Variants in RASGRF2 observed in about 807,000 individuals in gnomAD.
The protein encoded by RASGRF2 is Ras protein specific guanine nucleotide releasing factor 2.
Under a neutral mutation model 151.0 loss-of-function variants are expected in RASGRF2, and 76 were observed. The ratio of observed to expected loss-of-function variants is 0.50; its 90% CI spans 0.42 to 0.61. The LOEUF is 0.61. Ranked by LOEUF, RASGRF2 falls within the 20% of genes least tolerant of loss-of-function variation. RASGRF2 has a pLI of 0.00. For missense variants in RASGRF2, 1,148 were observed against 1,564.6 expected (o/e 0.73, Z 4.49); for synonymous variants, 504 against 566.5 (o/e 0.89, Z 1.57).
intron 18 of RASGRF2, among the ~76,000 whole-genome samples, chr5:81,194,581 G>A (rs748190738): frequency 3.3e-5 from 5 of 152,002 alleles, no homozygotes; most frequent in Non-Finnish European, 7.4e-5. Context: ...TGGCATCATC[G>A]GTGGACAGTG....
chr5:81,023,326 G>A (rs922612245), intron 1 of RASGRF2, among the ~76,000 whole-genome samples: 6 of 152,204 alleles, frequency 3.9e-5, no homozygotes, highest in Non-Finnish European at 8.8e-5. Context: ...CTTTCACTTT[G>A]TGATGACCCA....
At position 81,094,839 on chromosome 5, in the gene RASGRF2, C is replaced by T. The variant is rs1752499160; in HGVS notation, c.1619-17C>T. On this transcript the variant is annotated splice_polypyrimidine_tract_variant and intron_variant, in intron 11 of 26. Coordinates refer to ENST00000265080, the MANE Select transcript of RASGRF2 (RefSeq NM_006909.3). The stretch of plus-strand genomic sequence containing the variant: ...TTTTGTATTCTCATCTAATTGTTTG[C>T]TTTACATGTGTTCAAGCTAAAGGTT... 1.3e-6 allele frequency: 2 copies of T among 1,580,472 alleles called. No individual in the cohort carries two copies. The highest frequency in any genetic ancestry group is 1.7e-4 in the Middle Eastern group (1 of 6,002).
intron 6 of RASGRF2, 81 bp from the exon 7 acceptor site, chr5:81,080,515 C>T (rs1752056534): frequency 1.4e-6 from 2 of 1,383,698 alleles, no homozygotes; most frequent in Non-Finnish European, 2.0e-6. Context: ...GGTGCTGGGA[C>T]CCACTCTTTG....
chr5:80,969,673 G>T (rs13358275), intron 1 of RASGRF2, among the ~76,000 whole-genome samples: 2 of 150,780 alleles, frequency 1.3e-5, no homozygotes, highest in East Asian at 2.0e-4. Context: ...GGATGATCTC[G>T]ATCTCCTGAC....
Position 81,079,036 on chromosome 5 carries a change from C to A in RASGRF2, c.888-1085C>A, listed in dbSNP as rs372543952. On this transcript the variant is annotated intron_variant, in intron 5 of 26. Coordinates refer to ENST00000265080, the MANE Select transcript of RASGRF2 (RefSeq NM_006909.3). ...ACATTGCCCCAAAGCACTCACATCGCCATGACTGACTTTCAGCCATAGGAA... is the reference window on the plus strand; with the variant it reads ...ACATTGCCCCAAAGCACTCACATCGACATGACTGACTTTCAGCCATAGGAA... Among the ~76,000 whole-genome samples, 76 of 152,330 alleles carry A rather than the reference C, an allele frequency of 5.0e-4. 1 individual carries two copies. Among genetic ancestry groups the A allele is most frequent in the African/African-American group, 1.8e-3 (75 of 41,572 alleles).
At chr5:81,063,140 T>A (rs1751495362) in intron 2 of RASGRF2, among the ~76,000 whole-genome samples, 2 of 152,194 alleles carry the variant, frequency 1.3e-5, no homozygotes, top group South Asian at 4.1e-4. Context: ...AATTCTGATA[T>A]TTTACCAAGA....
At chr5:81,205,050 T>C (rs1755474794) in intron 19 of RASGRF2, among the ~76,000 whole-genome samples, 2 of 152,236 alleles carry the variant, frequency 1.3e-5, no homozygotes, top group African/African-American at 4.8e-5. Flanking sequence ...TTATCTCCCA[T>C]GTGTAACCCT....
intron 16 of RASGRF2, 83 bp downstream of exon 16, chr5:81,123,850 A>G: frequency 7.0e-7 from 1 of 1,431,366 alleles, no homozygotes; most frequent in East Asian, 2.5e-5. Flanking sequence ...TAATTGTTTC[A>G]CTGCCAAAAT....
intron 2 of RASGRF2, among the ~76,000 whole-genome samples, chr5:81,062,011 A>C (rs902311766): frequency 5.4e-5 from 8 of 148,410 alleles, no homozygotes; most frequent in South Asian, 2.2e-4. Flanking sequence ...AAAAAAAAAA[A>C]AAAAAAAAAA....
intron 15 of RASGRF2, among the ~76,000 whole-genome samples, chr5:81,123,383 T>C (rs1459847203): frequency 6.6e-6 from 1 of 152,200 alleles, no homozygotes; most frequent in African/African-American, 2.4e-5. Flanking sequence ...CCGTTTACTT[T>C]AACATCTGCT....
intron 1 of RASGRF2, among the ~76,000 whole-genome samples, chr5:80,989,005 T>A (rs1162032493): frequency 6.6e-6 from 1 of 151,236 alleles, no homozygotes; most frequent in Non-Finnish European, 1.5e-5. Flanking sequence ...TTAGACAGAG[T>A]CTCGCTCTGT....
chr5:81,035,795 G>T (rs1264008474), intron 1 of RASGRF2, among the ~76,000 whole-genome samples: 3 of 152,094 alleles, frequency 2.0e-5, no homozygotes, highest in African/African-American at 7.2e-5. Flanking sequence ...TGGATTGAAA[G>T]ATTCAAACAT....
At chr5:81,079,109 G>T (rs925752699) in intron 5 of RASGRF2, among the ~76,000 whole-genome samples, 1 of 152,184 alleles carries the variant, frequency 6.6e-6, no homozygotes, top group African/African-American at 2.4e-5. Flanking sequence ...GCATCTATTA[G>T]TGGAACTGAA....
intron 9 of RASGRF2, chr5:81,087,457 G>A: frequency 1.6e-6 from 1 of 635,702 alleles, no homozygotes. Context: ...CCCGTTGCCA[G>A]ATGAAATGTC....
At chr5:81,171,843 C>T (rs899280528) in intron 17 of RASGRF2, among the ~76,000 whole-genome samples, 3 of 152,320 alleles carry the variant, frequency 2.0e-5, no homozygotes, top group East Asian at 1.9e-4. Flanking sequence ...CTTCACCTCA[C>T]ACTAACCCCT....
At chr5:81,051,957 A>G (rs1020778653) in intron 2 of RASGRF2, among the ~76,000 whole-genome samples, 2 of 152,182 alleles carry the variant, frequency 1.3e-5, no homozygotes, top group Non-Finnish European at 2.9e-5. Flanking sequence ...TGAGGGTGCC[A>G]GTTTCTTCAC....
At chr5:81,171,249 T>C (rs1316412357) in intron 17 of RASGRF2, among the ~76,000 whole-genome samples, 1 of 152,176 alleles carries the variant, frequency 6.6e-6, no homozygotes, top group Admixed American at 6.5e-5. Flanking sequence ...CCTGATCCCA[T>C]GCCCATGGAA....
intron 1 of RASGRF2, among the ~76,000 whole-genome samples, chr5:81,035,171 A>G (rs1487494693): frequency 2.6e-5 from 4 of 152,294 alleles, no homozygotes; most frequent in African/African-American, 9.6e-5. Context: ...ACGTATGTTT[A>G]TTGCAGCACT....
At position 81,207,284 on chromosome 5, in the gene RASGRF2, G is replaced by A. The variant is rs756707198; in HGVS notation, c.3006G>A (p.Ser1002=). ...AGGCCGAATGCTTTGAGTCCTTGTC[G>A]GCCATGGAGCTGGCAGAACAGATCA... is the stretch of plus-strand genomic sequence containing the variant. The part of the protein sequence containing the change: ...CMKAECFESL[S]AMELAEQITL... The change falls in exon 21 of 27, where the codon TCG becomes TCA. Residue 1002 remains serine (S), a synonymous_variant. Coordinates refer to ENST00000265080, the MANE Select transcript of RASGRF2 (RefSeq NM_006909.3). 8.1e-6 allele frequency: 13 copies of A among 1,613,914 alleles called. No individual in the cohort carries two copies. The highest frequency in any genetic ancestry group is 1.6e-4 in the Middle Eastern group (1 of 6,084).
Sources: allele counts gnomAD v4.1 joint callset (sites outside exome capture counted in the v4.1 genomes callset), GRCh38; gene constraint gnomAD v4.1.1; transcripts MANE v1.5; gene names NCBI Gene and HGNC (gene_info 2026-07-23, HGNC 2026-07-21).